GABBR1: variants seen among roughly 807,000 people sequenced by gnomAD.
The protein encoded by GABBR1 is GABA-B receptor, R1 subunit.
Under a neutral mutation model 117.7 loss-of-function variants are expected in GABBR1, and 35 were observed. The ratio of observed to expected loss-of-function variants is 0.30; its 90% CI spans 0.23 to 0.39. The LOEUF is 0.39. Among genes scored for constraint, GABBR1 ranks in the 10% least tolerant of loss-of-function variants. The pLI is 1.00. For synonymous variants in GABBR1, 442 were observed against 486.6 expected (o/e 0.91, Z 1.21); for missense variants, 709 against 1,241.8 (o/e 0.57, Z 6.45).
Position 29,623,636 on chromosome 6 carries a change from G to A in GABBR1, c.793-161C>T, listed in dbSNP as rs1229523512. The stretch of plus-strand genomic sequence containing the variant: ...GCCTAAGGAAAAGAGATTCTCAAAG[G>A]CCCACACACCCCTCACAACCGGGAT... On this transcript the variant is annotated intron_variant, in intron 7 of 22. Coordinates refer to ENST00000377034, the MANE Select transcript of GABBR1 (RefSeq NM_001470.4). This position sits in a 1 kb window ranked among gnomAD's most constrained non-coding sequence, Gnocchi z 6.2. Among the ~76,000 whole-genome samples the A allele has an allele frequency of 6.6e-6, 1 of 151,976 alleles. No homozygotes were observed. The highest frequency in any genetic ancestry group is 1.5e-5 in the Non-Finnish European group (1 of 67,996).
chr6:29,631,192 G>A lies in GABBR1; in HGVS notation c.289+204C>T, dbSNP rs1764923884. Among the ~76,000 whole-genome samples, 1 of 152,208 alleles carries A rather than the reference G, an allele frequency of 6.6e-6. No homozygotes were observed. Among genetic ancestry groups the A allele is most frequent in the South Asian group, 2.1e-4 (1 of 4,832 alleles). On this transcript the variant is annotated intron_variant, in intron 3 of 22. Transcript: ENST00000377034. The surrounding 1 kb of genome is among the most constrained non-coding windows in gnomAD (Gnocchi z 5.9). ...ATGATCAGTGGCCTAATGAAGGGAG[G>A]ATGAAATGAACTGTGCAGGCTGCTA...
intron 11 of GABBR1, among the ~76,000 whole-genome samples, chr6:29,617,267 AT>A (rs1368005831): frequency 7.1e-6 from 1 of 141,086 alleles, no homozygotes; most frequent in Non-Finnish European, 1.6e-5. Context: ...TCAGCCCAAT[AT>A]TTCAAGTCCA....
intron 14 of GABBR1, 90 bp downstream of exon 14, chr6:29,610,834 T>G: frequency 8.9e-7 from 1 of 1,119,518 alleles, no homozygotes; most frequent in Non-Finnish European, 1.4e-6. Context: ...AACCTAACAG[T>G]CTCTACCATT....
At position 29,613,599 on chromosome 6, in the gene GABBR1, G is replaced by T; in HGVS notation, c.1324-114C>A. 7.5e-7 allele frequency: 1 copy of T among 1,327,768 alleles called. No individual in the cohort carries two copies. Among genetic ancestry groups the T allele is most frequent in the Non-Finnish European group, 1.0e-6 (1 of 960,850 alleles). 82.2% of individuals were successfully genotyped at this position (1,327,768 alleles called of 1,614,324 possible). Reference sequence around the variant, plus strand: ...ACTTGAATGGATGGTTTGTGTTACTGTTGTCAGATTGGACACATGTACATT... The same window carrying T: ...ACTTGAATGGATGGTTTGTGTTACTTTTGTCAGATTGGACACATGTACATT... On this transcript the variant is annotated intron_variant, in intron 11 of 22. Transcript: ENST00000377034. The surrounding 1 kb of genome is among the most constrained non-coding windows in gnomAD (Gnocchi z 4.1).
At chr6:29,625,263 A>G (rs1252295305) in intron 6 of GABBR1, among the ~76,000 whole-genome samples, 1 of 151,986 alleles carries the variant, frequency 6.6e-6, no homozygotes, top group African/African-American at 2.4e-5. Context: ...CATTCTCAGG[A>G]CCCACCTTCC....
chr6:29,629,210 G>T, intron 4 of GABBR1, 103 bp from the exon 5 acceptor site: 1 of 1,329,038 alleles, frequency 7.5e-7, no homozygotes, highest in Non-Finnish European at 1.1e-6. Flanking sequence ...GCTGAAGACC[G>T]GGGAGAGCAG....
chr6:29,609,203 A>T lies in GABBR1; in HGVS notation c.1859+26T>A. On this transcript the variant is annotated intron_variant, in intron 15 of 22. Coordinates refer to ENST00000377034, the MANE Select transcript of GABBR1 (RefSeq NM_001470.4). The surrounding 1 kb of genome is among the most constrained non-coding windows in gnomAD (Gnocchi z 4.3). Reference sequence around the variant, plus strand: ...GATCAGTATCTCAGAGAGGCAGACAAGGAAAACGTCAGAAGAGAAACTTAC... The same window carrying T: ...GATCAGTATCTCAGAGAGGCAGACATGGAAAACGTCAGAAGAGAAACTTAC... 1 of 1,610,176 alleles carries T rather than the reference A, an allele frequency of 6.2e-7. No homozygotes were observed. The highest frequency in any genetic ancestry group is 2.2e-5 in the East Asian group (1 of 44,880).
rs755809131 is a variant in GABBR1 at position 29,631,465 on chromosome 6, C to T, written c.220G>A (p.Val74Met). Residue 74 changes from valine to methionine, a missense_variant, in exon 3 of 23, where the codon GTG (valine) becomes ATG (methionine). Val to Met is a conservative substitution (Grantham distance 21, BLOSUM62 1). This residue lies in a region of GABBR1 where 101 missense variants were observed against 132.3 expected (regional missense o/e 0.76). Transcript: ENST00000377034. The surrounding 1 kb of genome is among the most constrained non-coding windows in gnomAD (Gnocchi z 5.9). ...AGGCACTTGCGGACCTTGGGCCCCA[C>T]CACCTCGCGCTCCCCCCGGCACACA... ...EYVCRGEREV[V>M]GPKVRKCLAN... is the part of the protein sequence containing the mutation. The T allele has an allele frequency of 8.7e-6, 14 of 1,614,020 alleles. No homozygotes were observed. Among genetic ancestry groups the T allele is most frequent in the African/African-American group, 4.0e-5 (3 of 74,892 alleles).
chr6:29,603,794 G>C, intron 22 of GABBR1, 78 bp from the exon 23 acceptor site: 6 of 1,119,622 alleles, frequency 5.4e-6, no homozygotes, highest in Non-Finnish European at 7.2e-6. Flanking sequence ...AGAGAGGAAG[G>C]GCACAGGGAA....
rs901599956 is a variant in GABBR1, at chr6:29,602,820, G to A, written c.*723C>T. 4 of 358,138 alleles carry A rather than the reference G, an allele frequency of 1.1e-5. No individual in the cohort carries two copies. Among genetic ancestry groups the A allele is most frequent in the Admixed American group, 7.5e-5 (2 of 26,696 alleles). 22.2% of individuals were successfully genotyped at this position (358,138 alleles called of 1,614,324 possible). ...CTCAAGGGCAGACCCATGACCATGA[G>A]AGGGGCACACGTAGCTGTGAATGCA... On this transcript the variant is annotated 3_prime_UTR_variant, in exon 23 of 23. Coordinates refer to ENST00000377034, the MANE Select transcript of GABBR1 (RefSeq NM_001470.4).
chr6:29,625,927 CCCTAATA>C (rs1764223143), intron 6 of GABBR1, among the ~76,000 whole-genome samples: 1 of 152,288 alleles, frequency 6.6e-6, no homozygotes, highest in Admixed American at 6.5e-5. Context: ...GCCTCCCGTA[CCCTAATA>C]CCTAATTATT....
chr6:29,627,471 C>T lies in GABBR1; in HGVS notation c.657+15G>A. On this transcript the variant is annotated intron_variant, in intron 6 of 22. Transcript: ENST00000377034. The surrounding 1 kb of genome is among the most constrained non-coding windows in gnomAD (Gnocchi z 4.4). ...CAAGCCCCCACCTCCCACCCACCCC[C>T]ATGTCCAGGGCTACCTTGCTGTCGT... 6.4e-7 allele frequency: 1 copy of T among 1,570,014 alleles called. No individual in the cohort carries two copies. The highest frequency in any genetic ancestry group is 8.7e-7 in the Non-Finnish European group (1 of 1,153,444).
intron 6 of GABBR1, among the ~76,000 whole-genome samples, chr6:29,624,902 G>A (rs28359983): frequency 0.098 from 14,874 of 152,100 alleles, 853 homozygotes; most frequent in Middle Eastern, 0.21. Context: ...GAACCCCAAT[G>A]CATGTGAAGA....
rs1011335169 is a variant in GABBR1 at position 29,630,920 on chromosome 6, G to T, written c.290-277C>A. On this transcript the variant is annotated intron_variant, in intron 3 of 22. Transcript: ENST00000377034. This position sits in a 1 kb window ranked among gnomAD's most constrained non-coding sequence, Gnocchi z 4.9. The stretch of plus-strand genomic sequence containing the variant: ...TCTTCAAAGTCAGCTACAGTGGGCG[G>T]TTCTCTGGCTTTGAAATATGTAGAT... Among the ~76,000 whole-genome samples the T allele has an allele frequency of 6.6e-6, 1 of 152,202 alleles. No individual in the cohort carries two copies. The highest frequency in any genetic ancestry group is 6.5e-5 in the Admixed American group (1 of 15,278).
At position 29,604,762 on chromosome 6, in the gene GABBR1, G is replaced by A. The variant is rs1761776112; in HGVS notation, c.2568+98C>T. The A allele has an allele frequency of 1.3e-6, 2 of 1,584,332 alleles. No homozygotes were observed. Among genetic ancestry groups the A allele is most frequent in the African/African-American group, 2.7e-5 (2 of 74,542 alleles). Reference sequence around the variant, plus strand: ...GCCCAAAACAAGGGGAGGAGTGAGAGGAGGGTGAACGGAAGGGCAGAGGAA... The same window carrying A: ...GCCCAAAACAAGGGGAGGAGTGAGAAGAGGGTGAACGGAAGGGCAGAGGAA... On this transcript the variant is annotated intron_variant, in intron 21 of 22. Coordinates refer to ENST00000377034, the MANE Select transcript of GABBR1 (RefSeq NM_001470.4). This position sits in a 1 kb window ranked among gnomAD's most constrained non-coding sequence, Gnocchi z 5.3.
At position 29,609,781 on chromosome 6, in the gene GABBR1, T is replaced by C. The variant is rs1419427323; in HGVS notation, c.1709-402A>G. On this transcript the variant is annotated intron_variant, in intron 14 of 22. Coordinates refer to ENST00000377034, the MANE Select transcript of GABBR1 (RefSeq NM_001470.4). This position sits in a 1 kb window ranked among gnomAD's most constrained non-coding sequence, Gnocchi z 4.3. The stretch of plus-strand genomic sequence containing the variant: ...AGGTTTCTTATAACCCAAATCAAAG[T>C]TTTAAATGACAATTATGGAATCATA... Among the ~76,000 whole-genome samples the C allele has an allele frequency of 6.6e-6, 1 of 151,774 alleles. No individual in the cohort carries two copies. Among genetic ancestry groups the C allele is most frequent in the Non-Finnish European group, 1.5e-5 (1 of 67,956 alleles).
In GABBR1 at chr6:29,631,320, T is replaced by C. The variant is rs1764935834; in HGVS notation, c.289+76A>G. On this transcript the variant is annotated intron_variant, in intron 3 of 22. Transcript: ENST00000377034. The surrounding 1 kb of genome is among the most constrained non-coding windows in gnomAD (Gnocchi z 5.9). Reference sequence around the variant, plus strand: ...GTATACTGGATTTAAAGTGCTGACTTGCAAGCAGTAATGCTAAGTTTGCGG... The same window carrying C: ...GTATACTGGATTTAAAGTGCTGACTCGCAAGCAGTAATGCTAAGTTTGCGG... 5.7e-6 allele frequency: 8 copies of C among 1,405,658 alleles called. No individual in the cohort carries two copies. Among genetic ancestry groups the C allele is most frequent in the Non-Finnish European group, 7.0e-6 (7 of 999,788 alleles). 87.1% of individuals were successfully genotyped at this position (1,405,658 alleles called of 1,614,324 possible). A position where few individuals can be genotyped will look rare whatever the true frequency, so the allele number is the denominator to read the frequency against.
At position 29,632,614 on chromosome 6, in the gene GABBR1, C is replaced by G; in HGVS notation, c.1-229G>C. On this transcript the variant is annotated intron_variant, in intron 1 of 22. Coordinates refer to ENST00000377034, the MANE Select transcript of GABBR1 (RefSeq NM_001470.4). This position sits in a 1 kb window ranked among gnomAD's most constrained non-coding sequence, Gnocchi z 5.8. ...CTCCTGCCTCCCTCGGCCCCCAACC[C>G]TCCCGGGACTCCACCTCTCACCACC... 1 of 1,328,248 alleles carries G rather than the reference C, an allele frequency of 7.5e-7. No homozygotes were observed. The highest frequency in any genetic ancestry group is 1.0e-6 in the Non-Finnish European group (1 of 987,676). 82.3% of individuals were successfully genotyped at this position (1,328,248 alleles called of 1,614,324 possible). A position where few individuals can be genotyped will look rare whatever the true frequency, so the allele number is the denominator to read the frequency against.
chr6:29,607,234 G>A lies in GABBR1; in HGVS notation c.1993-16C>T. On this transcript the variant is annotated splice_polypyrimidine_tract_variant and intron_variant, in intron 16 of 22. Transcript: ENST00000377034. The surrounding 1 kb of genome is among the most constrained non-coding windows in gnomAD (Gnocchi z 5.0). ...AGAGGCGGGCCTAGAAAGGAAGAGAGGGCACAGGCAGAACAGGGTAGAGTA... is the reference window on the plus strand; with the variant it reads ...AGAGGCGGGCCTAGAAAGGAAGAGAAGGCACAGGCAGAACAGGGTAGAGTA... 6.3e-7 allele frequency: 1 copy of A among 1,599,400 alleles called. No individual in the cohort carries two copies.
Sources: gnomAD v4.1 joint callset for allele counts (sites outside exome capture counted in the v4.1 genomes callset) on GRCh38, gnomAD v4.1.1 for gene constraint, gnomAD v4.1.1 regional missense constraint, Gnocchi (gnomAD v3.1) non-coding constraint, MANE v1.5 for transcripts, NCBI Gene and HGNC (gene_info 2026-07-23, HGNC 2026-07-21) for gene names.